Variants in TBCD observed in about 807,000 individuals in gnomAD.
The protein encoded by TBCD is tubulin folding cofactor D.
Under a neutral mutation model 169.3 loss-of-function variants are expected in TBCD, and 105 were observed. The ratio of observed to expected loss-of-function variants is 0.62; its 90% CI spans 0.53 to 0.73. The LOEUF is 0.73. Among genes scored for constraint, TBCD ranks in the 30% least tolerant of loss-of-function variants. TBCD has a pLI of 0.00. For synonymous variants in TBCD, 700 were observed against 643.9 expected (o/e 1.09, Z -1.32); for missense variants, 1,444 against 1,600.1 (o/e 0.90, Z 1.66).
At chr17:82,862,184 A>G (rs1271602655) in intron 13 of TBCD, among the ~76,000 whole-genome samples, 8 of 152,168 alleles carry the variant, frequency 5.3e-5, no homozygotes, top group Admixed American at 2.0e-4. Flanking sequence ...AGCCTCCCAA[A>G]GTGCTGGGAT....
intron 1 of TBCD, among the ~76,000 whole-genome samples, chr17:82,753,827 T>A (rs1208557125): frequency 1.3e-5 from 2 of 151,494 alleles, no homozygotes; most frequent in Admixed American, 6.6e-5. Context: ...GGAGAAGATT[T>A]AGTTCACGCA....
At chr17:82,937,595 G>A (rs890688426) in intron 35 of TBCD, 9 of 603,358 alleles carry the variant, frequency 1.5e-5, no homozygotes, top group South Asian at 6.0e-5. Flanking sequence ...CTGCCCTCGC[G>A]CTCTGCCCTG....
At chr17:82,940,752 A>AT (rs35875487) in intron 37 of TBCD, among the ~76,000 whole-genome samples, 17,170 of 151,870 alleles carry the variant, frequency 0.11, 1,116 homozygotes, top group South Asian at 0.25. Context: ...TTTTACAATG[A>AT]TTTTTTTAAA....
At position 82,890,287 on chromosome 17, in the gene TBCD, T is replaced by C. The variant is rs1433684909; in HGVS notation, c.1563+590T>C. On this transcript the variant is annotated intron_variant, in intron 16 of 38. Coordinates refer to ENST00000355528, the MANE Select transcript of TBCD (RefSeq NM_005993.5). This position sits in a 1 kb window ranked among gnomAD's most constrained non-coding sequence, Gnocchi z 5.3. ...CGTGTGGTTGGGTCTTGCAGGAGAG[T>C]GGGACAGAGGCCGGAGAGGGGACCG... Among the ~76,000 whole-genome samples the C allele has an allele frequency of 6.6e-6, 1 of 151,766 alleles. No homozygotes were observed. Among genetic ancestry groups the C allele is most frequent in the Non-Finnish European group, 1.5e-5 (1 of 67,926 alleles).
intron 13 of TBCD, chr17:82,859,941 C>T: frequency 1.0e-6 from 1 of 965,486 alleles, no homozygotes; most frequent in Non-Finnish European, 1.2e-6. Context: ...CCCCAGCCGT[C>T]TGGCCTGGGC....
At chr17:82,815,312 C>T (rs1196911184) in intron 13 of TBCD, among the ~76,000 whole-genome samples, 3 of 152,232 alleles carry the variant, frequency 2.0e-5, no homozygotes, top group African/African-American at 7.2e-5. Flanking sequence ...GGTTTTCATT[C>T]TTGAGGGACA....
At chr17:82,795,494 C>T (rs1438146600) in intron 7 of TBCD, 8 of 981,902 alleles carry the variant, frequency 8.1e-6, no homozygotes, top group East Asian at 2.3e-4. Flanking sequence ...TAGCGGTCTT[C>T]GTTGTTGAGC....
In TBCD at chr17:82,884,306, C is replaced by T. The variant is rs1003311607; in HGVS notation, c.1533+104C>T. ...GCTGCCTGGCCAGCTCACCCATCCACAGCAGGAGCCGCGAGGGAGCTGCTG... is the reference window on the plus strand; with the variant it reads ...GCTGCCTGGCCAGCTCACCCATCCATAGCAGGAGCCGCGAGGGAGCTGCTG... On this transcript the variant is annotated intron_variant, in intron 15 of 38. Coordinates refer to ENST00000355528, the MANE Select transcript of TBCD (RefSeq NM_005993.5). The surrounding 1 kb of genome is among the most constrained non-coding windows in gnomAD (Gnocchi z 4.2). 23 of 1,108,702 alleles carry T rather than the reference C, an allele frequency of 2.1e-5. No individual in the cohort carries two copies. Among genetic ancestry groups the T allele is most frequent in the African/African-American group, 6.2e-5 (4 of 64,440 alleles). The allele number at this position is 1,108,702 out of a possible 1,614,324, so 68.7% of individuals were successfully genotyped here. A position where few individuals can be genotyped will look rare whatever the true frequency, so the allele number is the denominator to read the frequency against.
rs1003474248 is a variant in TBCD, at chr17:82,880,055, C to G, written c.1476-4090C>G. Among the ~76,000 whole-genome samples, 69 of 152,280 alleles carry G rather than the reference C, an allele frequency of 4.5e-4. No individual in the cohort carries two copies. The highest frequency in any genetic ancestry group is 1.6e-3 in the African/African-American group (65 of 41,548). On this transcript the variant is annotated intron_variant, in intron 14 of 38. Transcript: ENST00000355528. The surrounding 1 kb of genome is among the most constrained non-coding windows in gnomAD (Gnocchi z 5.0). ...CTTTGCTCATGGGCTCTTCATCTAC[C>G]TTCACAGCCAGCCACGTCCACGTCT...
In TBCD at chr17:82,901,453, C is replaced by T. The variant is rs9941368; in HGVS notation, c.1730+722C>T. 3.9e-3 allele frequency among the ~76,000 whole-genome samples: 584 copies of T among 148,348 alleles called. 2 individuals are homozygous for T. Among genetic ancestry groups the T allele is most frequent in the African/African-American group, 0.013 (521 of 41,068 alleles). On this transcript the variant is annotated intron_variant, in intron 18 of 38. Transcript: ENST00000355528. ...TTCTGATCCATGGGGGATGCGTTTGCTGCTGCCTGGGGAGCGGCCCGGCTG... is the reference window on the plus strand; with the variant it reads ...TTCTGATCCATGGGGGATGCGTTTGTTGCTGCCTGGGGAGCGGCCCGGCTG...
chr17:82,894,811 T>G (rs111383832), intron 17 of TBCD, among the ~76,000 whole-genome samples: 1 of 152,098 alleles, frequency 6.6e-6, no homozygotes, highest in African/African-American at 2.4e-5. Context: ...ACCCCGTGAA[T>G]ACTAAAAATA....
At chr17:82,898,514 T>C (rs542734330) in intron 17 of TBCD, among the ~76,000 whole-genome samples, 1 of 152,354 alleles carries the variant, frequency 6.6e-6, no homozygotes, top group Non-Finnish European at 1.5e-5. Flanking sequence ...GGTTGAAGTG[T>C]GTGTGTATTT....
At chr17:82,775,128 A>G (rs1397665919) in intron 6 of TBCD, among the ~76,000 whole-genome samples, 1 of 151,890 alleles carries the variant, frequency 6.6e-6, no homozygotes, top group Admixed American at 6.6e-5. Context: ...TCCCGGGCGG[A>G]CTCCCGGCGA....
chr17:82,802,686 C>T lies in TBCD; in HGVS notation c.950+1690C>T, dbSNP rs535033210. ...TTCCCCCCTCCTCAGGGAGGGCCGG[C>T]GTTTTGTTCTGCTGGGGCCTTCCGC... On this transcript the variant is annotated intron_variant, in intron 9 of 38. Transcript: ENST00000355528. 7.2e-5 allele frequency among the ~76,000 whole-genome samples: 11 copies of T among 152,312 alleles called. No individual in the cohort carries two copies. The South Asian group carries it at 8.3e-4, about 11-fold the overall frequency.
In TBCD at chr17:82,756,164, GTAA is replaced by G; in HGVS notation, c.189_191del (p.Ile63del). 1 of 1,606,096 alleles carries G rather than the reference GTAA, an allele frequency of 6.2e-7. No individual in the cohort carries two copies. The highest frequency in any genetic ancestry group is 1.1e-5 in the South Asian group (1 of 89,640). ...AATTTTCATGTTATATTTGTTTTTA[GTAA>G]TAATGGACAAATACCAGGAGCAGCC... On this transcript the variant is annotated inframe_deletion and splice_region_variant, in exon 2 of 39. Coordinates refer to ENST00000355528, the MANE Select transcript of TBCD (RefSeq NM_005993.5).
intron 9 of TBCD, among the ~76,000 whole-genome samples, chr17:82,805,397 C>T (rs992075051): frequency 6.6e-6 from 1 of 152,210 alleles, no homozygotes; most frequent in African/African-American, 2.4e-5. Flanking sequence ...CTACACGTTG[C>T]TGCCTTTTGA....
intron 6 of TBCD, among the ~76,000 whole-genome samples, chr17:82,780,852 T>G (rs1007071322): frequency 3.3e-5 from 5 of 151,910 alleles, no homozygotes; most frequent in African/African-American, 1.2e-4. Context: ...TTCACTATGT[T>G]GGCCAGACTG....
intron 13 of TBCD, among the ~76,000 whole-genome samples, chr17:82,827,165 G>A (rs966622346): frequency 6.6e-6 from 1 of 152,224 alleles, no homozygotes; most frequent in Non-Finnish European, 1.5e-5. Context: ...CTTTAGCAAT[G>A]CTGGTGTTTC....
chr17:82,816,848 TAAAAAAAAAAAAA>T (rs35049574), intron 13 of TBCD, among the ~76,000 whole-genome samples: 6 of 115,776 alleles, frequency 5.2e-5, no homozygotes, highest in African/African-American at 2.0e-4. Context: ...CCTGCTTCTT[TAAAAAAAAAAAAA>T]AAAAAAAAAG....
Sources: allele counts gnomAD v4.1 joint callset (sites outside exome capture counted in the v4.1 genomes callset), GRCh38; gene constraint gnomAD v4.1.1; non-coding constraint Gnocchi (gnomAD v3.1); transcripts MANE v1.5; gene names NCBI Gene and HGNC (gene_info 2026-07-23, HGNC 2026-07-21).